Variants in MAST3 observed in about 807,000 individuals in gnomAD.
MAST3 encodes the protein microtubule associated serine/threonine kinase 3.
A neutral mutation model predicts 127.0 loss-of-function variants in MAST3; 43 were observed. That is an observed-to-expected ratio of 0.34 (90% CI 0.27 to 0.44). The LOEUF (loss-of-function observed/expected upper bound fraction) is 0.44, where lower values mean the gene tolerates loss of function less well. Among genes scored for constraint, MAST3 ranks in the 20% least tolerant of loss-of-function variants. The pLI is 1.00. For synonymous variants in MAST3, 785 were observed against 809.2 expected (o/e 0.97, Z 0.51); for missense variants, 1,390 against 1,919.1 (o/e 0.72, Z 5.15).
intron 1 of MAST3, among the ~76,000 whole-genome samples, chr19:18,100,128 C>CTCTTTTTTGTTTTTTTTTTTTTT (rs776661078): frequency 8.2e-6 from 1 of 121,720 alleles, no homozygotes; most frequent in Non-Finnish European, 1.8e-5. Context: ...CTCTCTCTCT[C>CTCTTTTTTGTTTTTTTTTTTTTT]TTTTTTTTTT....
chr19:18,138,069 G>A (rs1321611288), intron 19 of MAST3, among the ~76,000 whole-genome samples: 1 of 152,026 alleles, frequency 6.6e-6, no homozygotes, highest in Admixed American at 6.6e-5. Flanking sequence ...AATTAGGCAG[G>A]CATGGTGGTA....
At chr19:18,105,871 C>T (rs554739308) in intron 1 of MAST3, among the ~76,000 whole-genome samples, 1 of 152,142 alleles carries the variant, frequency 6.6e-6, no homozygotes, top group South Asian at 2.1e-4. Flanking sequence ...GTCCTCCCCA[C>T]GCCCCCACTG....
At chr19:18,097,900 G>T in intron 1 of MAST3, 69 bp downstream of exon 1, 1 of 1,146,874 alleles carries the variant, frequency 8.7e-7, no homozygotes. Context: ...GAAAGGTGCC[G>T]GGAGGGGCGG....
At chr19:18,111,174 G>T (rs1440095122) in intron 3 of MAST3, among the ~76,000 whole-genome samples, 1 of 152,018 alleles carries the variant, frequency 6.6e-6, no homozygotes, top group Non-Finnish European at 1.5e-5. Context: ...GTGGCGCCGG[G>T]AGAAAAGAAC....
rs273501 is a variant in MAST3 at position 18,135,581 on chromosome 19, C to G, written c.1871-159C>G. Among the ~76,000 whole-genome samples, 593 of 152,276 alleles carry G rather than the reference C, an allele frequency of 3.9e-3. 6 individuals carry two copies. The highest frequency in any genetic ancestry group is 0.014 in the African/African-American group (564 of 41,532). ...CTCTGAGCATAGGGCACAGCTGTGG[C>G]AAAGGCTGTCAGTGGGTACCAAGCC... On this transcript the variant is annotated intron_variant, in intron 17 of 27. Transcript: ENST00000687212.
At chr19:18,147,233 A>T (rs2043126794) in intron 26 of MAST3, among the ~76,000 whole-genome samples, 189 bp downstream of exon 26, 1 of 150,472 alleles carries the variant, frequency 6.6e-6, no homozygotes, top group African/African-American at 2.5e-5. Flanking sequence ...CCCCCTAAGT[A>T]ACTGGGACTA....
intron 1 of MAST3, among the ~76,000 whole-genome samples, chr19:18,107,261 C>A (rs770094788): frequency 3.9e-5 from 6 of 152,042 alleles, no homozygotes; most frequent in Admixed American, 2.0e-4. Flanking sequence ...CCGTGCCCAG[C>A]CTAAAATATT....
In MAST3 at chr19:18,110,106, G is replaced by A. The variant is rs1053895241; in HGVS notation, c.72-546G>A. The A allele has an allele frequency of 5.3e-5, 52 of 985,224 alleles. No individual in the cohort carries two copies. The highest frequency in any genetic ancestry group is 5.9e-5 in the Non-Finnish European group (49 of 829,922). 61.0% of individuals were successfully genotyped at this position (985,224 alleles called of 1,614,324 possible). ...CGACCCTCGCTGCCGGGCCGGGCCT[G>A]CGCGCAGGTGCGGAGCTGCGATCCC... is the stretch of plus-strand genomic sequence containing the variant. On this transcript the variant is annotated intron_variant, in intron 2 of 27. Coordinates refer to ENST00000687212, the MANE Select transcript of MAST3 (RefSeq NM_001393504.1). This position sits in a 1 kb window ranked among gnomAD's most constrained non-coding sequence, Gnocchi z 4.3.
At chr19:18,124,525 C>T (rs773768744) in intron 10 of MAST3, 117 bp from the exon 11 acceptor site, 37 of 1,395,602 alleles carry the variant, frequency 2.7e-5, no homozygotes, top group Middle Eastern at 1.8e-4. Context: ...AAGGAGGCAG[C>T]GGGAGTGGAG....
In MAST3 at chr19:18,113,174, G is replaced by A. The variant is rs144592524; in HGVS notation, c.161+2433G>A. On this transcript the variant is annotated intron_variant, in intron 3 of 27. Coordinates refer to ENST00000687212, the MANE Select transcript of MAST3 (RefSeq NM_001393504.1). ...CCTCACTCACCACCGGGGGGCAGCA[G>A]AGCCACATTGCCTTGGGCCTGGCGG... 9.3e-4 allele frequency among the ~76,000 whole-genome samples: 142 copies of A among 152,282 alleles called. 1 individual carries two copies. The East Asian group carries it at 0.026, about 28-fold the overall frequency.
In MAST3 at chr19:18,123,614, A is replaced by G; in HGVS notation, c.592A>G (p.Ile198Val). The stretch of plus-strand genomic sequence containing the variant: ...TGCAACGGGGACCTTCGACAATGAG[A>G]TTGTCATGATGAATCACGTGTACCG... ...GRATGTFDNE[I>V]VMMNHVYRER... is the part of the protein sequence containing the mutation. Residue 198 changes from isoleucine to valine, a missense_variant, in exon 8 of 28, where the codon ATT becomes GTT. Physicochemically the swap from Ile to Val is conservative, Grantham distance 29. Coordinates refer to ENST00000687212, the MANE Select transcript of MAST3 (RefSeq NM_001393504.1). The G allele has an allele frequency of 6.3e-7, 1 of 1,595,292 alleles. No individual in the cohort carries two copies. The highest frequency in any genetic ancestry group is 8.5e-7 in the Non-Finnish European group (1 of 1,171,260).
At chr19:18,099,409 C>G (rs1411413262) in intron 1 of MAST3, among the ~76,000 whole-genome samples, 1 of 151,762 alleles carries the variant, frequency 6.6e-6, no homozygotes, top group African/African-American at 2.4e-5. Flanking sequence ...CAGTTAGATG[C>G]CAACCCGCCC....
chr19:18,136,355 C>A (rs759622569), intron 18 of MAST3, among the ~76,000 whole-genome samples: 1 of 152,136 alleles, frequency 6.6e-6, no homozygotes, highest in Admixed American at 6.6e-5. Flanking sequence ...TTTCTCTAGG[C>A]GGTGTGGTCC....
At position 18,151,284 on chromosome 19, in the gene MAST3, G is replaced by A. The variant is rs1193140526; in HGVS notation, c.*1558G>A. ...TTTTACGTGGCTTCTCCCTCAGCCA[G>A]CCTTGAGAAGGCTGGAGGTGGTGTC... On this transcript the variant is annotated 3_prime_UTR_variant, in exon 28 of 28. Coordinates refer to ENST00000687212, the MANE Select transcript of MAST3 (RefSeq NM_001393504.1). 2.6e-5 allele frequency: 4 copies of A among 152,302 alleles called. No homozygotes were observed. Among genetic ancestry groups the A allele is most frequent in the East Asian group, 1.9e-4 (1 of 5,182 alleles). The allele number at this position is 152,302 out of a possible 1,614,324, so 9.4% of individuals were successfully genotyped here.
chr19:18,141,705 T>G (rs1211225019), intron 20 of MAST3, among the ~76,000 whole-genome samples, 177 bp from the exon 21 acceptor site: 1 of 151,830 alleles, frequency 6.6e-6, no homozygotes, highest in Non-Finnish European at 1.5e-5. Flanking sequence ...TTGTTACTGG[T>G]TTTTTTGTTT....
In MAST3 at chr19:18,128,444, C is replaced by T; in HGVS notation, c.1123C>T (p.Pro375Ser). The T allele has an allele frequency of 6.4e-7, 1 of 1,556,442 alleles. No homozygotes were observed. The highest frequency in any genetic ancestry group is 8.7e-7 in the Non-Finnish European group (1 of 1,149,894). ...CCTCGAAGAAGAACAGCCCCCAGCA[C>T]CTGAGTCCCCAGAGGTGAGTAGCAG... ...SHLEEEQPPA[P>S]ESPESRALVG... is the part of the protein sequence containing the mutation. Residue 375 changes from proline (P) to serine (S), a missense_variant, in exon 12 of 28, where the codon CCT becomes TCT. Around this residue, in one of 5 missense-constraint regions of MAST3, gnomAD observed 277 missense variants for 384.8 expected, o/e 0.72. Transcript: ENST00000687212.
intron 11 of MAST3, among the ~76,000 whole-genome samples, chr19:18,125,733 T>A (rs149315716): frequency 1.1e-3 from 133 of 125,580 alleles, no homozygotes; most frequent in African/African-American, 4.1e-3. Context: ...AGGGCAAGAC[T>A]CTGTCTCAAA....
rs1355279949 is a variant in MAST3 at position 18,131,976 on chromosome 19, C to T, written c.1500C>T (p.Phe500=). 5.0e-6 allele frequency: 8 copies of T among 1,613,956 alleles called. No individual in the cohort carries two copies. Among genetic ancestry groups the T allele is most frequent in the Non-Finnish European group, 5.9e-6 (7 of 1,180,004 alleles). Residue 500 remains phenylalanine (F), a synonymous_variant, in exon 15 of 28, where the codon TTC becomes TTT. Coordinates refer to ENST00000687212, the MANE Select transcript of MAST3 (RefSeq NM_001393504.1). ...PLPVDMARLY[F]AETVLALEYL... ...CCGTGGACATGGCCCGCCTGTACTT[C>T]GCCGAGACGGTGTTGGCGCTGGAGT...
intron 3 of MAST3, among the ~76,000 whole-genome samples, chr19:18,111,904 C>T (rs2038694647): frequency 6.6e-6 from 1 of 152,166 alleles, no homozygotes; most frequent in East Asian, 1.9e-4. Context: ...CCTTCAGACG[C>T]CAAGCACTTA....
Sources: gnomAD v4.1 joint callset for allele counts (sites outside exome capture counted in the v4.1 genomes callset) on GRCh38, gnomAD v4.1.1 for gene constraint, gnomAD v4.1.1 regional missense constraint, Gnocchi (gnomAD v3.1) non-coding constraint, MANE v1.5 for transcripts, NCBI Gene and HGNC (gene_info 2026-07-23, HGNC 2026-07-21) for gene names.